RNF220: variants seen among roughly 807,000 people sequenced by gnomAD.
RNF220 encodes ring finger protein 220, also known as E3 ubiquitin-protein ligase RNF220.
In RNF220, 7 loss-of-function variants were observed where a neutral mutation model predicts 67.1. The observed-to-expected ratio is 0.10, with a 90% CI of 0.06 to 0.20. RNF220 has a LOEUF of 0.20. Ranked by LOEUF, RNF220 falls within the 10% of genes least tolerant of loss-of-function variation. The probability of loss-of-function intolerance (pLI) is 1.00; values close to 1 mark genes in which losing one functional copy is unlikely to be tolerated. For synonymous variants in RNF220, 270 were observed against 283.2 expected (o/e 0.95, Z 0.47); for missense variants, 565 against 740.3 (o/e 0.76, Z 2.75).
chr1:44,551,119 CTT>C (rs386366846), intron 2 of RNF220, among the ~76,000 whole-genome samples: 2,206 of 97,384 alleles, frequency 0.023, 42 homozygotes, highest in African/African-American at 0.087. Flanking sequence ...CACTTCTTGC[CTT>C]TTTTTTTTTT....
intron 2 of RNF220, among the ~76,000 whole-genome samples, chr1:44,420,825 T>A (rs1649128214): frequency 6.6e-6 from 1 of 152,218 alleles, no homozygotes; most frequent in Admixed American, 6.5e-5. Flanking sequence ...ACATAGATAA[T>A]GCTTAGAACA....
chr1:44,561,304 G>A (rs759488472), intron 2 of RNF220, among the ~76,000 whole-genome samples: 1 of 152,140 alleles, frequency 6.6e-6, no homozygotes, highest in Admixed American at 6.5e-5. Context: ...GAGGTCAGGA[G>A]TTCAAGACTA....
At position 44,589,259 on chromosome 1, in the gene RNF220, G is replaced by A. The variant is rs190797112; in HGVS notation, c.626-24906G>A. ...TCCATTTCCCAGCTGTGTGACCTTC[G>A]GCAAGTCACCATGTTTCCCTGAGCC... On this transcript the variant is annotated intron_variant, in intron 2 of 14. Transcript: ENST00000361799. Among the ~76,000 whole-genome samples, 38 of 152,274 alleles carry A rather than the reference G, an allele frequency of 2.5e-4. 1 individual carries two copies. The East Asian group carries it at 4.6e-3, about 19-fold the overall frequency.
rs1300973784 is a variant in RNF220, at chr1:44,645,834, C to G, written c.1445+346C>G. Among the ~76,000 whole-genome samples the G allele has an allele frequency of 6.6e-6, 1 of 152,234 alleles. No homozygotes were observed. The highest frequency in any genetic ancestry group is 1.5e-5 in the Non-Finnish European group (1 of 68,036). ...TCATCTCCAGTTTCTGTTTCTTAAT[C>G]GGGAGCTAAATTGGTTTCATTTTTC... On this transcript the variant is annotated intron_variant, in intron 12 of 14. Transcript: ENST00000361799. This position sits in a 1 kb window ranked among gnomAD's most constrained non-coding sequence, Gnocchi z 5.0.
At chr1:44,507,217 T>C (rs1658512598) in intron 2 of RNF220, among the ~76,000 whole-genome samples, 1 of 152,188 alleles carries the variant, frequency 6.6e-6, no homozygotes, top group Admixed American at 6.5e-5. Flanking sequence ...CCCCTTCTTC[T>C]GCTTTGGCCC....
At chr1:44,510,933 G>A (rs1454065078) in intron 2 of RNF220, among the ~76,000 whole-genome samples, 2 of 152,206 alleles carry the variant, frequency 1.3e-5, no homozygotes, top group African/African-American at 4.8e-5. Context: ...AAGGGTTGTT[G>A]CTCCGAGGTC....
At chr1:44,579,122 C>G (rs1665047461) in intron 2 of RNF220, among the ~76,000 whole-genome samples, 1 of 151,158 alleles carries the variant, frequency 6.6e-6, no homozygotes, top group Admixed American at 6.6e-5. Flanking sequence ...CGCCACTGCA[C>G]TCCAGTCTGG....
chr1:44,551,641 A>G (rs1177712812), intron 2 of RNF220, among the ~76,000 whole-genome samples: 1 of 152,186 alleles, frequency 6.6e-6, no homozygotes, highest in Non-Finnish European at 1.5e-5. Context: ...CATCATCCAC[A>G]TTATCAATTT....
At position 44,405,302 on chromosome 1, in the gene RNF220, C is replaced by T. The variant is rs759270273; in HGVS notation, c.-346C>T. 53 of 456,398 alleles carry T rather than the reference C, an allele frequency of 1.2e-4. No homozygotes were observed. Among genetic ancestry groups the T allele is most frequent in the Non-Finnish European group, 1.7e-4 (44 of 257,372 alleles). The allele number at this position is 456,398 out of a possible 1,614,324, so 28.3% of individuals were successfully genotyped here. A position where few individuals can be genotyped will look rare whatever the true frequency, so the allele number is the denominator to read the frequency against. The stretch of plus-strand genomic sequence containing the variant: ...TGAGAGGCAGCACTGCTCCTTCTCT[C>T]ACGCCAACTGAGTCTCTTGATCTGT... On this transcript the variant is annotated 5_prime_UTR_variant, in exon 1 of 15. Transcript: ENST00000361799.
Position 44,622,639 on chromosome 1 carries a change from G to A in RNF220, c.759-103G>A, listed in dbSNP as rs1289215109. 3.9e-6 allele frequency: 4 copies of A among 1,015,712 alleles called. No homozygotes were observed. The East Asian group carries it at 9.6e-5, about 24-fold the overall frequency. 62.9% of individuals were successfully genotyped at this position (1,015,712 alleles called of 1,614,324 possible). ...GCTTGGCTGAGCTGGGCTGGGCTAG[G>A]CGGTCTATGCCTTCTCTGTCTTTGG... On this transcript the variant is annotated intron_variant, in intron 3 of 14. Transcript: ENST00000361799. This position sits in a 1 kb window ranked among gnomAD's most constrained non-coding sequence, Gnocchi z 4.3.
intron 2 of RNF220, among the ~76,000 whole-genome samples, chr1:44,437,165 A>G (rs1416326021): frequency 2.0e-5 from 3 of 152,240 alleles, no homozygotes; most frequent in East Asian, 1.9e-4. Context: ...TGGGAGTGGC[A>G]TAGCAAACCA....
At chr1:44,422,346 A>C (rs1649315716) in intron 2 of RNF220, among the ~76,000 whole-genome samples, 1 of 152,022 alleles carries the variant, frequency 6.6e-6, no homozygotes, top group South Asian at 2.1e-4. Flanking sequence ...AAAAAAAAAA[A>C]TCCTTAGAAC....
intron 2 of RNF220, among the ~76,000 whole-genome samples, chr1:44,493,468 C>T (rs764784681): frequency 7.2e-5 from 11 of 151,986 alleles, no homozygotes; most frequent in East Asian, 5.8e-4. Flanking sequence ...GAGCCAAGAT[C>T]GTGCCATTGC....
intron 2 of RNF220, among the ~76,000 whole-genome samples, chr1:44,542,767 C>T (rs558958940): frequency 1.3e-5 from 2 of 152,326 alleles, no homozygotes; most frequent in East Asian, 1.9e-4. Context: ...AGCCTTGGGA[C>T]GTTGCTAGCA....
At chr1:44,461,920 C>CTCTGT (rs1653798216) in intron 2 of RNF220, among the ~76,000 whole-genome samples, 2 of 118,168 alleles carry the variant, frequency 1.7e-5, no homozygotes, top group African/African-American at 6.8e-5. Context: ...TTTCTTTTTT[C>CTCTGT]TTTGTTTTTT....
At chr1:44,573,881 A>G (rs1664621887) in intron 2 of RNF220, among the ~76,000 whole-genome samples, 1 of 152,204 alleles carries the variant, frequency 6.6e-6, no homozygotes. Flanking sequence ...TGGGAGCCCA[A>G]GGTGGGTGGA....
At chr1:44,595,346 C>A (rs1004042816) in intron 2 of RNF220, among the ~76,000 whole-genome samples, 1 of 152,220 alleles carries the variant, frequency 6.6e-6, no homozygotes, top group Non-Finnish European at 1.5e-5. Flanking sequence ...AGGCCACCCC[C>A]TCCAGGACGC....
chr1:44,591,255 G>A (rs1666096214), intron 2 of RNF220, among the ~76,000 whole-genome samples: 2 of 152,176 alleles, frequency 1.3e-5, no homozygotes, highest in Non-Finnish European at 2.9e-5. Context: ...ACCCAGCCAG[G>A]AACAACATGT....
chr1:44,437,601 G>C (rs1229572072), intron 2 of RNF220, among the ~76,000 whole-genome samples: 1 of 152,144 alleles, frequency 6.6e-6, no homozygotes, highest in African/African-American at 2.4e-5. Context: ...TGGTTGGAGG[G>C]AGGAAAGACA....
Sources: allele counts gnomAD v4.1 joint callset (sites outside exome capture counted in the v4.1 genomes callset), GRCh38; gene constraint gnomAD v4.1.1; non-coding constraint Gnocchi (gnomAD v3.1); transcripts MANE v1.5; gene names NCBI Gene and HGNC (gene_info 2026-07-23, HGNC 2026-07-21).